Variants in YEATS4 observed in about 807,000 individuals in gnomAD.
YEATS4 encodes YEATS domain containing 4.
YEATS4 carries 17 observed loss-of-function variants against 30.1 expected under a neutral mutation model. The ratio of observed to expected loss-of-function variants is 0.56; its 90% CI spans 0.39 to 0.85. The LOEUF is 0.85. Among genes scored for constraint, YEATS4 ranks in the 40% least tolerant of loss-of-function variants. The pLI is 0.00. For missense variants in YEATS4, 142 were observed against 268.3 expected, an observed-to-expected ratio of 0.53 and a Z score of 3.29; for synonymous variants, 85 against 87.5, an observed-to-expected ratio of 0.97 and a Z score of 0.16.
rs774189039 is a variant in YEATS4 at position 69,370,811 on chromosome 12, TATA to T, written c.426+16_426+18del. ...CTATGATGAAATGGTAAGAAGATTTTATAATGATAGTTTTAAAAGCATTTGAAG... is the reference window on the plus strand; with the variant it reads ...CTATGATGAAATGGTAAGAAGATTTTATGATAGTTTTAAAAGCATTTGAAG... On this transcript the variant is annotated intron_variant, in intron 5 of 6. Transcript: ENST00000247843. 4 of 1,596,410 alleles carry T rather than the reference TATA, an allele frequency of 2.5e-6. No homozygotes were observed. In the African/African-American group the frequency reaches 5.4e-5, roughly 22 times the overall value.
At chr12:69,408,199 A>G in the YEATS4 span, among the ~76,000 whole-genome samples, 1 of 152,222 alleles carries the variant, frequency 6.6e-6, no homozygotes, top group Non-Finnish European at 1.5e-5. Flanking sequence ...TTACAAGATC[A>G]TCGGAGTCAT....
chr12:69,414,975 G>T, the YEATS4 span, among the ~76,000 whole-genome samples: 1 of 152,112 alleles, frequency 6.6e-6, no homozygotes, highest in African/African-American at 2.4e-5. Context: ...ATAGAGACTG[G>T]GGGACAAAAA....
At chr12:69,419,843 T>C in the YEATS4 span, among the ~76,000 whole-genome samples, 9 of 152,314 alleles carry the variant, frequency 5.9e-5, no homozygotes, top group African/African-American at 2.2e-4. Context: ...CAGTGAATGC[T>C]GGGAGGACCT....
At chr12:69,389,437 C>T (rs1335877188) in intron 6 of YEATS4, among the ~76,000 whole-genome samples, 4 of 132,852 alleles carry the variant, frequency 3.0e-5, no homozygotes, top group African/African-American at 5.9e-5. Flanking sequence ...GCGACAAGAG[C>T]GAGACTCCAT....
In YEATS4 at chr12:69,390,331, A is replaced by G. The variant is rs760535573; in HGVS notation, c.*15A>G. ...AAGACATATAAACAGTTCTCATGAG[A>G]ACTTGGTAGTAAGCTAAACTGAAAA... On this transcript the variant is annotated 3_prime_UTR_variant, in exon 7 of 7. Coordinates refer to ENST00000247843, the MANE Select transcript of YEATS4 (RefSeq NM_006530.4). 6.5e-7 allele frequency: 1 copy of G among 1,544,214 alleles called. No individual in the cohort carries two copies. The highest frequency in any genetic ancestry group is 8.7e-7 in the Non-Finnish European group (1 of 1,153,876).
chr12:69,426,333 C>A, the YEATS4 span, among the ~76,000 whole-genome samples: 1 of 152,110 alleles, frequency 6.6e-6, no homozygotes, highest in Non-Finnish European at 1.5e-5. Context: ...GACTCAGAAT[C>A]CATTTTCTTG....
intron 6 of YEATS4, among the ~76,000 whole-genome samples, chr12:69,385,094 C>T (rs1438847054): frequency 2.0e-5 from 3 of 152,090 alleles, no homozygotes; most frequent in African/African-American, 4.8e-5. Context: ...TCACTGTAGC[C>T]TCAAACTTGG....
At chr12:69,388,282 G>T (rs1020413356) in intron 6 of YEATS4, among the ~76,000 whole-genome samples, 7 of 152,074 alleles carry the variant, frequency 4.6e-5, no homozygotes, top group African/African-American at 1.7e-4. Flanking sequence ...TGTTTTTTAT[G>T]TGCTAGATGC....
downstream of YEATS4, among the ~76,000 whole-genome samples, chr12:69,391,293 CAAA>C (rs1195261907): frequency 9.2e-6 from 1 of 108,422 alleles, no homozygotes; most frequent in Non-Finnish European, 1.9e-5. Context: ...GACTTCATCT[CAAA>C]AAAAAAAAAA....
intron 6 of YEATS4, among the ~76,000 whole-genome samples, chr12:69,387,594 A>G (rs879402743): frequency 6.6e-6 from 1 of 152,248 alleles, no homozygotes; most frequent in Non-Finnish European, 1.5e-5. Flanking sequence ...GGTCCTCTGT[A>G]GTCATTAAAA....
chr12:69,421,882 T>C, the YEATS4 span, among the ~76,000 whole-genome samples: 1 of 152,288 alleles, frequency 6.6e-6, no homozygotes, highest in South Asian at 2.1e-4. Context: ...TTCCCACTTT[T>C]AAAAACACCG....
the YEATS4 span, among the ~76,000 whole-genome samples, chr12:69,425,683 G>A: frequency 6.6e-6 from 1 of 152,180 alleles, no homozygotes; most frequent in Non-Finnish European, 1.5e-5. Flanking sequence ...GAGAGTGCTA[G>A]AGAGTTATCA....
At chr12:69,375,132 C>T (rs1464576947) in intron 6 of YEATS4, among the ~76,000 whole-genome samples, 5 of 150,870 alleles carry the variant, frequency 3.3e-5, no homozygotes, top group South Asian at 2.1e-4. Flanking sequence ...CGGAGGGGCT[C>T]CTCACTTCCC....
intron 6 of YEATS4, among the ~76,000 whole-genome samples, chr12:69,379,459 C>T (rs1016022487): frequency 6.6e-6 from 1 of 152,058 alleles, no homozygotes; most frequent in African/African-American, 2.4e-5. Flanking sequence ...GTCACCCAGG[C>T]TGGAGTGCAG....
intron 1 of YEATS4, among the ~76,000 whole-genome samples, chr12:69,360,245 A>G (rs959453867): frequency 7.2e-5 from 11 of 152,144 alleles, no homozygotes; most frequent in Non-Finnish European, 1.2e-4. Flanking sequence ...CCGCCAAAAA[A>G]CAAACAGATA....
chr12:69,395,103 T>C (rs1868341829), downstream of YEATS4, among the ~76,000 whole-genome samples: 1 of 149,236 alleles, frequency 6.7e-6, no homozygotes, highest in South Asian at 2.1e-4. Context: ...GCTAAAAGAC[T>C]GACTCAACAG....
chr12:69,425,180 C>T, the YEATS4 span, among the ~76,000 whole-genome samples: 1 of 152,134 alleles, frequency 6.6e-6, no homozygotes, highest in Admixed American at 6.5e-5. Flanking sequence ...GCCTCGGCCT[C>T]CCAAAGTGCT....
chr12:69,414,719 A>G, the YEATS4 span, among the ~76,000 whole-genome samples: 2 of 152,288 alleles, frequency 1.3e-5, no homozygotes, highest in South Asian at 4.1e-4. Flanking sequence ...CTGACTTCTT[A>G]AGCACAGAAT....
Position 69,359,955 on chromosome 12 carries a change from C to T in YEATS4, c.-18C>T, listed in dbSNP as rs1875119262. On this transcript the variant is annotated 5_prime_UTR_variant, in exon 1 of 7. Transcript: ENST00000247843. ...CGGTCTCTTTCCCTGGCGGCGGCGGCTTCTTCCGTGGGACAATATGTTCAA... is the reference window on the plus strand; with the variant it reads ...CGGTCTCTTTCCCTGGCGGCGGCGGTTTCTTCCGTGGGACAATATGTTCAA... 6.2e-7 allele frequency: 1 copy of T among 1,612,102 alleles called. No homozygotes were observed. Among genetic ancestry groups the T allele is most frequent in the Non-Finnish European group, 8.5e-7 (1 of 1,179,036 alleles).
Sources: gnomAD v4.1 joint callset for allele counts (sites outside exome capture counted in the v4.1 genomes callset) on GRCh38, gnomAD v4.1.1 for gene constraint, MANE v1.5 for transcripts, NCBI Gene and HGNC (gene_info 2026-07-23, HGNC 2026-07-21) for gene names.